The following ZSWIM2 variants were observed in gnomAD, a reference collection of about 807,000 sequenced individuals.
ZSWIM2 encodes zinc finger SWIM-type containing 2.
A neutral mutation model predicts 48.4 loss-of-function variants in ZSWIM2; 38 were observed. The ratio of observed to expected loss-of-function variants is 0.79; its 90% CI spans 0.61 to 1.03. The LOEUF (loss-of-function observed/expected upper bound fraction) is 1.03, where lower values mean the gene tolerates loss of function less well. Ranked by LOEUF, ZSWIM2 falls within the 50% of genes least tolerant of loss-of-function variation. ZSWIM2 has a pLI of 0.00. For synonymous variants in ZSWIM2, 240 were observed against 251.3 expected, an observed-to-expected ratio of 0.96 and a Z score of 0.42; for missense variants, 776 against 730.2, an observed-to-expected ratio of 1.06 and a Z score of -0.72.
chr2:186,833,249 T>G lies in ZSWIM2; in HGVS notation c.829-17A>C. The stretch of plus-strand genomic sequence containing the variant: ...GTTTCTTTTCTGTAATAGGTAAAAG[T>G]AGATGTTACTTTGCAAAGTCGTGGA... On this transcript the variant is annotated splice_polypyrimidine_tract_variant and intron_variant, in intron 6 of 8. Coordinates refer to ENST00000295131, the MANE Select transcript of ZSWIM2 (RefSeq NM_182521.3). 1 of 1,285,074 alleles carries G rather than the reference T, an allele frequency of 7.8e-7. No homozygotes were observed. The highest frequency in any genetic ancestry group is 1.1e-6 in the Non-Finnish European group (1 of 930,140). 79.6% of individuals were successfully genotyped at this position (1,285,074 alleles called of 1,614,324 possible).
intron 1 of ZSWIM2, among the ~76,000 whole-genome samples, chr2:186,848,528 A>G (rs554909039): frequency 4.6e-4 from 70 of 152,330 alleles, no homozygotes; most frequent in African/African-American, 1.6e-3. Context: ...ATACAGTTTC[A>G]GAGTGAGCAA....
rs1210009020 is a variant in ZSWIM2, at chr2:186,828,319, C to T, written c.1567G>A (p.Val523Met). Residue 523 changes from valine (V) to methionine (M), a missense_variant, in exon 9 of 9, where the codon GTG becomes ATG. Val to Met is a conservative substitution (Grantham distance 21). Transcript: ENST00000295131. ...LLPPIVHKNIVCPTAMESPCI... is the reference protein window; with the variant it reads ...LLPPIVHKNIMCPTAMESPCI... ...GGACTTTCCATTGCAGTGGGACACA[C>T]AATATTCTTATGAACAATAGGAGGA... 1 of 1,613,574 alleles carries T rather than the reference C, an allele frequency of 6.2e-7. No individual in the cohort carries two copies. Among genetic ancestry groups the T allele is most frequent in the South Asian group, 1.1e-5 (1 of 91,066 alleles).
At chr2:186,846,774 T>C (rs1484951327) in intron 2 of ZSWIM2, among the ~76,000 whole-genome samples, 1 of 130,994 alleles carries the variant, frequency 7.6e-6, no homozygotes, top group Non-Finnish European at 1.6e-5. Context: ...ATTAATAAAA[T>C]GTGTGTATAA....
intron 7 of ZSWIM2, among the ~76,000 whole-genome samples, chr2:186,831,844 G>T (rs1215420360): frequency 6.6e-6 from 1 of 151,866 alleles, no homozygotes; most frequent in Non-Finnish European, 1.5e-5. Flanking sequence ...ATGGACACAG[G>T]AAGGGGAACA....
rs34155103 is a variant in ZSWIM2, at chr2:186,827,553, G to GTT, written c.*429_*430dup. Among the ~76,000 whole-genome samples the GTT allele has an allele frequency of 1.7e-4, 26 of 150,434 alleles. No homozygotes were observed. Among genetic ancestry groups the GTT allele is most frequent in the Non-Finnish European group, 3.0e-4 (20 of 67,406 alleles). Reference sequence around the variant, plus strand: ...AAACTCCTTTATGGAGTTTTTTAAGGTTTTTTTTTATAGGTTTGTGGTAAT... The same window carrying GTT: ...AAACTCCTTTATGGAGTTTTTTAAGGTTTTTTTTTTTATAGGTTTGTGGTAAT... On this transcript the variant is annotated 3_prime_UTR_variant, in exon 9 of 9. Transcript: ENST00000295131.
intron 7 of ZSWIM2, among the ~76,000 whole-genome samples, chr2:186,830,193 A>G (rs1691673035): frequency 6.6e-6 from 1 of 152,156 alleles, no homozygotes; most frequent in Non-Finnish European, 1.5e-5. Context: ...CAGCCTGGCC[A>G]ACATGGCAAA....
intron 5 of ZSWIM2, among the ~76,000 whole-genome samples, chr2:186,836,567 A>G (rs559320533): frequency 9.9e-5 from 15 of 152,242 alleles, no homozygotes; most frequent in African/African-American, 3.1e-4. Flanking sequence ...TGGGCTCATC[A>G]TAATGTAATT....
rs753037767 is a variant in ZSWIM2 at position 186,833,207 on chromosome 2, A to G, written c.854T>C (p.Leu285Pro). The G allele has an allele frequency of 1.4e-5, 21 of 1,539,606 alleles. No homozygotes were observed. The highest frequency in any genetic ancestry group is 1.7e-5 in the Non-Finnish European group (19 of 1,143,572). The change falls in exon 7 of 9, where the codon CTA becomes CCA. Residue 285 changes from leucine to proline, a missense_variant. Coordinates refer to ENST00000295131, the MANE Select transcript of ZSWIM2 (RefSeq NM_182521.3). ...REKRNQKWRS[L>P]EKRADEVVKY... ...TACAACTTCATCTGCTCTTTTTTCT[A>G]GTGATCTCCATTTTTGGTTTCTTTT...
intron 3 of ZSWIM2, among the ~76,000 whole-genome samples, chr2:186,843,676 T>C (rs1691948068): frequency 6.6e-6 from 1 of 151,422 alleles, no homozygotes; most frequent in African/African-American, 2.4e-5. Context: ...GGAGCACAGA[T>C]GGAGAAATCA....
intron 1 of ZSWIM2, among the ~76,000 whole-genome samples, chr2:186,848,417 G>A (rs1692043721): frequency 6.6e-6 from 1 of 152,162 alleles, no homozygotes; most frequent in Admixed American, 6.5e-5. Context: ...GATGGGATAT[G>A]CAATTATGAA....
chr2:186,836,068 A>G (rs1691787327), intron 5 of ZSWIM2, among the ~76,000 whole-genome samples: 1 of 152,154 alleles, frequency 6.6e-6, no homozygotes, highest in Non-Finnish European at 1.5e-5. Context: ...TTTGTACTAA[A>G]GCTGCCTGTA....
chr2:186,841,497 G>A (rs1047491601), intron 3 of ZSWIM2, among the ~76,000 whole-genome samples: 4 of 151,216 alleles, frequency 2.6e-5, no homozygotes, highest in East Asian at 1.9e-4. Context: ...ATACATGGGG[G>A]GGAGACATAA....
At chr2:186,834,765 C>T (rs1691765439) in intron 5 of ZSWIM2, among the ~76,000 whole-genome samples, 1 of 152,172 alleles carries the variant, frequency 6.6e-6, no homozygotes, top group South Asian at 2.1e-4. Context: ...CTTTCTTCCA[C>T]AGTCACATTT....
chr2:186,829,435 T>C (rs977699251), intron 8 of ZSWIM2, among the ~76,000 whole-genome samples: 3 of 152,154 alleles, frequency 2.0e-5, no homozygotes, highest in African/African-American at 7.2e-5. Context: ...TTCTATAACC[T>C]TTTTTCTTTT....
At chr2:186,848,844 G>C (rs543156943) in intron 1 of ZSWIM2, 122 bp downstream of exon 1, 1 of 1,288,092 alleles carries the variant, frequency 7.8e-7, no homozygotes, top group Admixed American at 1.8e-5. Flanking sequence ...AGGCGCTTTC[G>C]GGGGTGAGGC....
At chr2:186,846,154 C>G (rs1691995950) in intron 2 of ZSWIM2, among the ~76,000 whole-genome samples, 1 of 151,872 alleles carries the variant, frequency 6.6e-6, no homozygotes, top group Admixed American at 6.6e-5. Context: ...AACTATAAAG[C>G]TTCTGCACAG....
chr2:186,844,697 A>T lies in ZSWIM2; in HGVS notation c.283+20T>A. 6.5e-7 allele frequency: 1 copy of T among 1,549,068 alleles called. No individual in the cohort carries two copies. The highest frequency in any genetic ancestry group is 8.6e-7 in the Non-Finnish European group (1 of 1,156,882). ...GTAAAATAAAAAAAAAACACAAAAA[A>T]CCCAAACCCCAAAACTTACATTCAT... On this transcript the variant is annotated intron_variant, in intron 3 of 8. Transcript: ENST00000295131.
intron 3 of ZSWIM2, among the ~76,000 whole-genome samples, chr2:186,843,470 A>G (rs1691944488): frequency 6.6e-6 from 1 of 151,644 alleles, no homozygotes; most frequent in Admixed American, 6.6e-5. Context: ...AAAGTGGAAC[A>G]AAGGTAAGAA....
At chr2:186,835,603 A>G (rs527511140) in intron 5 of ZSWIM2, among the ~76,000 whole-genome samples, 3 of 152,338 alleles carry the variant, frequency 2.0e-5, no homozygotes, top group South Asian at 2.1e-4. Context: ...ATTTTAACAT[A>G]TATCTAGTAA....
Sources: gnomAD v4.1 joint callset for allele counts (sites outside exome capture counted in the v4.1 genomes callset) on GRCh38, gnomAD v4.1.1 for gene constraint, MANE v1.5 for transcripts, NCBI Gene and HGNC (gene_info 2026-07-23, HGNC 2026-07-21) for gene names.